Variants in SYTL2 observed in about 807,000 individuals in gnomAD.
SYTL2 encodes the protein synaptotagmin-like protein 2.
Under a neutral mutation model 198.7 loss-of-function variants are expected in SYTL2, and 165 were observed. That is an observed-to-expected ratio of 0.83 (90% CI 0.73 to 0.94). The LOEUF (loss-of-function observed/expected upper bound fraction) is 0.94. SYTL2 is among the 40% of genes least tolerant of loss of function. SYTL2 has a pLI of 0.00. For synonymous variants in SYTL2, 966 were observed against 917.7 expected, an observed-to-expected ratio of 1.05 and a Z score of -0.95; for missense variants, 2,835 against 2,582.8, an observed-to-expected ratio of 1.10 and a Z score of -2.12.
chr11:85,813,559 G>A (rs1309785075), upstream of SYTL2, among the ~76,000 whole-genome samples: 2 of 152,192 alleles, frequency 1.3e-5, no homozygotes, highest in Non-Finnish European at 2.9e-5. Flanking sequence ...AGGCAAGAGG[G>A]TAGGGATAGC....
chr11:85,770,613 A>G (rs1043618005), intron 1 of SYTL2, among the ~76,000 whole-genome samples: 2 of 152,070 alleles, frequency 1.3e-5, no homozygotes, highest in African/African-American at 4.8e-5. Flanking sequence ...ACTACAGCCC[A>G]TCCATTCCCC....
At chr11:85,807,188 A>G (rs1566045395) in intron 1 of SYTL2, among the ~76,000 whole-genome samples, 1 of 152,222 alleles carries the variant, frequency 6.6e-6, no homozygotes, top group Non-Finnish European at 1.5e-5. Flanking sequence ...CTTTCATTCT[A>G]TAAAATGGGA....
chr11:85,793,146 T>C (rs1258897458), intron 1 of SYTL2, among the ~76,000 whole-genome samples: 1 of 151,742 alleles, frequency 6.6e-6, no homozygotes, highest in Non-Finnish European at 1.5e-5. Flanking sequence ...ATATACCCAG[T>C]AATGGGATGG....
intron 2 of SYTL2, among the ~76,000 whole-genome samples, chr11:85,754,208 A>G (rs1343700745): frequency 2.0e-5 from 3 of 152,208 alleles, no homozygotes; most frequent in African/African-American, 4.8e-5. Flanking sequence ...GCAACTGATA[A>G]TCCATTAAAT....
intron 13 of SYTL2, among the ~76,000 whole-genome samples, chr11:85,709,946 G>A (rs1288621633): frequency 6.6e-6 from 1 of 152,172 alleles, no homozygotes; most frequent in South Asian, 2.1e-4. Context: ...GCCTCCCAAA[G>A]TGCTGGAATT....
At chr11:85,799,322 G>A (rs2092850348) in intron 1 of SYTL2, among the ~76,000 whole-genome samples, 1 of 152,160 alleles carries the variant, frequency 6.6e-6, no homozygotes. Context: ...ACACACAGTG[G>A]TATGTGATGA....
chr11:85,817,033 A>C, the SYTL2 span, among the ~76,000 whole-genome samples: 1 of 152,062 alleles, frequency 6.6e-6, no homozygotes, highest in East Asian at 1.9e-4. Flanking sequence ...TTTGAAATTC[A>C]TCTTACCTAA....
chr11:85,850,954 C>T, the SYTL2 span, among the ~76,000 whole-genome samples: 2 of 145,398 alleles, frequency 1.4e-5, no homozygotes, highest in African/African-American at 5.1e-5. Context: ...CATATTCTCA[C>T]TCACAGGTGG....
At chr11:85,847,506 G>A in the SYTL2 span, among the ~76,000 whole-genome samples, 1 of 152,046 alleles carries the variant, frequency 6.6e-6, no homozygotes, top group Non-Finnish European at 1.5e-5. Flanking sequence ...GGTTTGCTGG[G>A]TCATACAGTA....
chr11:85,845,665 T>C, the SYTL2 span, among the ~76,000 whole-genome samples: 1 of 152,056 alleles, frequency 6.6e-6, no homozygotes, highest in Non-Finnish European at 1.5e-5. Flanking sequence ...TCCCAGCACT[T>C]TGGGAGGCCG....
chr11:85,745,176 A>G (rs1359391965), intron 4 of SYTL2, among the ~76,000 whole-genome samples: 1 of 152,234 alleles, frequency 6.6e-6, no homozygotes, highest in Non-Finnish European at 1.5e-5. Context: ...GCCCATAGTC[A>G]AATGGCTAAT....
At chr11:85,808,160 G>A (rs1200222045) in intron 1 of SYTL2, among the ~76,000 whole-genome samples, 1 of 151,934 alleles carries the variant, frequency 6.6e-6, no homozygotes, top group East Asian at 1.9e-4. Flanking sequence ...TCCGCCTCCC[G>A]GGTTCAAGAG....
intron 2 of SYTL2, among the ~76,000 whole-genome samples, chr11:85,751,372 C>G (rs2091499959): frequency 6.6e-6 from 1 of 152,078 alleles, no homozygotes; most frequent in South Asian, 2.1e-4. Context: ...TTTTCCAGCC[C>G]ACGTTCATCT....
chr11:85,777,812 CTTTTTTTT>C (rs57873368), intron 1 of SYTL2, among the ~76,000 whole-genome samples: 2 of 63,290 alleles, frequency 3.2e-5, no homozygotes, highest in African/African-American at 5.7e-5. Context: ...GGTCTTACTT[CTTTTTTTT>C]TTTTTTTTTT....
chr11:85,840,345 A>G, the SYTL2 span, among the ~76,000 whole-genome samples: 1 of 152,058 alleles, frequency 6.6e-6, no homozygotes, highest in South Asian at 2.1e-4. Context: ...GTGGGGTATT[A>G]CTCAAGAAAG....
At position 85,772,532 on chromosome 11, in the gene SYTL2, A is replaced by T. The variant is rs147986282; in HGVS notation, c.-389-14418T>A. On this transcript the variant is annotated intron_variant, in intron 1 of 19. Transcript: ENST00000359152. Reference sequence around the variant, plus strand: ...AGGCATTATGTCTCTGAATCTGCAAAATCCAGTCATCCTTCATGATAGCTG... The same window carrying T: ...AGGCATTATGTCTCTGAATCTGCAATATCCAGTCATCCTTCATGATAGCTG... Among the ~76,000 whole-genome samples, 9 of 152,368 alleles carry T rather than the reference A, an allele frequency of 5.9e-5. No individual in the cohort carries two copies. The East Asian group carries it at 1.7e-3, about 29-fold the overall frequency.
intron 4 of SYTL2, among the ~76,000 whole-genome samples, chr11:85,738,244 C>A (rs1321922173): frequency 6.6e-6 from 1 of 152,160 alleles, no homozygotes; most frequent in African/African-American, 2.4e-5. Flanking sequence ...GTTCCTGCAG[C>A]CTCATTTCTT....
chr11:85,832,330 C>T, the SYTL2 span, among the ~76,000 whole-genome samples: 1 of 152,150 alleles, frequency 6.6e-6, no homozygotes, highest in Non-Finnish European at 1.5e-5. Flanking sequence ...GACATGTTTA[C>T]ATAGCAAGAA....
At chr11:85,836,741 ATATTT>A in the SYTL2 span, among the ~76,000 whole-genome samples, 9 of 152,180 alleles carry the variant, frequency 5.9e-5, no homozygotes, top group African/African-American at 1.7e-4. Flanking sequence ...ATTACATATT[ATATTT>A]TATTACAAAC....
Sources: allele counts gnomAD v4.1 joint callset (sites outside exome capture counted in the v4.1 genomes callset), GRCh38; gene constraint gnomAD v4.1.1; transcripts MANE v1.5; gene names NCBI Gene and HGNC (gene_info 2026-07-23, HGNC 2026-07-21).